The following TAFA5 variants were observed in gnomAD, a reference collection of about 807,000 sequenced individuals.
TAFA5 encodes the protein chemokine-like protein TAFA-5.
TAFA5 carries 6 observed loss-of-function variants against 15.3 expected under a neutral mutation model. The observed-to-expected ratio is 0.39, with a 90% CI of 0.21 to 0.77. The LOEUF (loss-of-function observed/expected upper bound fraction) is 0.77, where lower values mean the gene tolerates loss of function less well. TAFA5 is among the 30% of genes least tolerant of loss of function. The pLI is 0.41. For synonymous variants in TAFA5, 103 were observed against 80.7 expected (o/e 1.28, Z -1.48); for missense variants, 161 against 193.1 (o/e 0.83, Z 0.98).
intron 2 of TAFA5, among the ~76,000 whole-genome samples, chr22:48,682,768 T>C (rs1928234127): frequency 1.3e-5 from 2 of 152,216 alleles, no homozygotes; most frequent in African/African-American, 2.4e-5. Context: ...GCCTTTGCTT[T>C]GCGGGTGATC....
chr22:48,526,106 A>T (rs1328860544), intron 1 of TAFA5, among the ~76,000 whole-genome samples: 1 of 152,148 alleles, frequency 6.6e-6, no homozygotes, highest in African/African-American at 2.4e-5. Flanking sequence ...GCCTCACCTT[A>T]CCAATGGAGA....
intron 1 of TAFA5, among the ~76,000 whole-genome samples, chr22:48,624,262 G>A (rs371162852): frequency 9.5e-4 from 145 of 152,294 alleles, no homozygotes; most frequent in African/African-American, 3.2e-3. Context: ...ACATCCTATC[G>A]GGGCATCCAC....
At chr22:48,693,462 G>T (rs1020862277) in intron 2 of TAFA5, 3 of 1,591,538 alleles carry the variant, frequency 1.9e-6, no homozygotes, top group Admixed American at 1.8e-5. Context: ...AGATGGCTGT[G>T]ACTCAACCAT....
In TAFA5 at chr22:48,742,555, C is replaced by A. The variant is rs1266267044; in HGVS notation, c.391-7284C>A. ...GTGGTGGACCCGGCCGCATGGTGGA[C>A]CAGGCAACGTGGTAGACTGGGCAGC... On this transcript the variant is annotated intron_variant, in intron 3 of 3. Coordinates refer to ENST00000402357, the MANE Select transcript of TAFA5 (RefSeq NM_001082967.3). This position sits in a 1 kb window ranked among gnomAD's most constrained non-coding sequence, Gnocchi z 6.2. Among the ~76,000 whole-genome samples the A allele has an allele frequency of 6.6e-6, 1 of 150,778 alleles. No individual in the cohort carries two copies. The highest frequency in any genetic ancestry group is 1.5e-5 in the Non-Finnish European group (1 of 67,678).
chr22:48,544,289 G>T, intron 1 of TAFA5: 1 of 250,172 alleles, frequency 4.0e-6, no homozygotes, highest in Non-Finnish European at 8.0e-6. Flanking sequence ...GCAGAGCTGT[G>T]GACCTGGGGG....
rs760196187 is a variant in TAFA5, at chr22:48,750,558, C to T, written c.*711C>T. 2.0e-5 allele frequency: 3 copies of T among 152,524 alleles called. No individual in the cohort carries two copies. The highest frequency in any genetic ancestry group is 2.1e-4 in the South Asian group (1 of 4,834). 9.4% of individuals were successfully genotyped at this position (152,524 alleles called of 1,614,324 possible). ...CTGCGGGAGGCAGCGACGGCCCCCA[C>T]GCAGACGCCGGGAACGCAGGCCGCT... On this transcript the variant is annotated 3_prime_UTR_variant, in exon 4 of 4. Coordinates refer to ENST00000402357, the MANE Select transcript of TAFA5 (RefSeq NM_001082967.3).
intron 2 of TAFA5, among the ~76,000 whole-genome samples, chr22:48,686,899 A>G (rs1223750279): frequency 8.1e-5 from 11 of 136,382 alleles, no homozygotes; most frequent in East Asian, 2.4e-4. Context: ...TTGATGGTTG[A>G]ATGGATGGAT....
chr22:48,621,721 G>T (rs1925845398), intron 1 of TAFA5, among the ~76,000 whole-genome samples: 1 of 152,192 alleles, frequency 6.6e-6, no homozygotes, highest in Non-Finnish European at 1.5e-5. Context: ...GCAAGGCAGG[G>T]TGTGACAGTA....
intron 1 of TAFA5, among the ~76,000 whole-genome samples, chr22:48,511,607 C>T (rs570258390): frequency 5.3e-5 from 8 of 152,330 alleles, no homozygotes; most frequent in East Asian, 1.9e-4. Flanking sequence ...CAGACAGAGG[C>T]GTCTGCTGTG....
intron 1 of TAFA5, among the ~76,000 whole-genome samples, chr22:48,559,758 C>T (rs1157514470): frequency 2.6e-5 from 4 of 152,030 alleles, no homozygotes; most frequent in Non-Finnish European, 4.4e-5. Context: ...GGAGGGGCGG[C>T]GGGGCCTGCC....
chr22:48,701,161 C>T (rs551922686), intron 2 of TAFA5, among the ~76,000 whole-genome samples: 145 of 152,326 alleles, frequency 9.5e-4, no homozygotes, highest in African/African-American at 3.3e-3. Flanking sequence ...TCAGGACCGG[C>T]TCCTTCCATC....
At chr22:48,555,516 T>C (rs1923004476) in intron 1 of TAFA5, among the ~76,000 whole-genome samples, 1 of 152,182 alleles carries the variant, frequency 6.6e-6, no homozygotes, top group Non-Finnish European at 1.5e-5. Context: ...TGTCTGTGTC[T>C]TCAGAAGTGC....
chr22:48,749,707 G>A (rs1415497922), intron 3 of TAFA5, 132 bp from the exon 4 acceptor site: 1 of 946,592 alleles, frequency 1.1e-6, no homozygotes, highest in African/African-American at 1.6e-5. Flanking sequence ...CAGCACTGAG[G>A]ATGAGCTCTT....
intron 2 of TAFA5, among the ~76,000 whole-genome samples, chr22:48,697,977 TGATAG>T (rs1928773428): frequency 6.7e-6 from 1 of 149,074 alleles, no homozygotes; most frequent in African/African-American, 2.5e-5. Flanking sequence ...ATGGTCCTGT[TGATAG>T]GATGGTGAGG....
At position 48,518,597 on chromosome 22, in the gene TAFA5, G is replaced by A. The variant is rs114367063; in HGVS notation, c.112+28893G>A. ...TCTCACGGCATTATTGTCACTGAGC[G>A]GGTCTTACCCTCCAGCCTGGGAGGC... On this transcript the variant is annotated intron_variant, in intron 1 of 3. Transcript: ENST00000402357. 2.6e-5 allele frequency among the ~76,000 whole-genome samples: 4 copies of A among 152,338 alleles called. No homozygotes were observed. In the East Asian group the frequency reaches 7.7e-4, roughly 29 times the overall value.
At chr22:48,675,654 C>T (rs1223591089) in intron 2 of TAFA5, among the ~76,000 whole-genome samples, 3 of 152,256 alleles carry the variant, frequency 2.0e-5, no homozygotes, top group Admixed American at 6.5e-5. Context: ...TGCTCTGACA[C>T]CACTGGGTGC....
chr22:48,593,791 C>T (rs1363148249), intron 1 of TAFA5, among the ~76,000 whole-genome samples: 1 of 152,094 alleles, frequency 6.6e-6, no homozygotes, highest in Non-Finnish European at 1.5e-5. Context: ...TGAAATGGGA[C>T]AGTAAGAGCT....
At chr22:48,495,059 G>A (rs1407601361) in intron 1 of TAFA5, among the ~76,000 whole-genome samples, 7 of 152,186 alleles carry the variant, frequency 4.6e-5, no homozygotes, top group Non-Finnish European at 1.0e-4. Flanking sequence ...GTGGGTCTGG[G>A]CCCAGTGGGA....
intron 1 of TAFA5, among the ~76,000 whole-genome samples, chr22:48,538,702 G>A (rs1045205925): frequency 6.6e-6 from 1 of 152,190 alleles, no homozygotes; most frequent in Admixed American, 6.5e-5. Context: ...TGGTCTTGCC[G>A]TGGGAAATCG....
Sources: allele counts gnomAD v4.1 joint callset (sites outside exome capture counted in the v4.1 genomes callset), GRCh38; gene constraint gnomAD v4.1.1; non-coding constraint Gnocchi (gnomAD v3.1); transcripts MANE v1.5; gene names NCBI Gene and HGNC (gene_info 2026-07-23, HGNC 2026-07-21).